The following CDH6 variants were observed in gnomAD, a reference collection of about 807,000 sequenced individuals.
CDH6 encodes the protein cadherin-6.
In CDH6, 31 loss-of-function variants were observed where a neutral mutation model predicts 78.0. The ratio of observed to expected loss-of-function variants is 0.40; its 90% CI spans 0.30 to 0.54. The LOEUF (loss-of-function observed/expected upper bound fraction) is 0.54, where lower values mean the gene tolerates loss of function less well. Ranked by LOEUF, CDH6 falls within the 20% of genes least tolerant of loss-of-function variation. The pLI is 0.56. For missense variants in CDH6, 724 were observed against 975.9 expected (o/e 0.74, Z 3.44); for synonymous variants, 376 against 368.8 (o/e 1.02, Z -0.23).
Position 31,329,132 on chromosome 5 carries a change from CTGGT to C in CDH6, c.*5826_*5829del, listed in dbSNP as rs928574769. On this transcript the variant is annotated 3_prime_UTR_variant, in exon 12 of 12. Transcript: ENST00000265071. ...TATTTATATGATATTACTTAATAAA[CTGGT>C]TTTTTTCTAACTTGCTTTTTTTTCA... 6.4e-5 allele frequency: 12 copies of C among 188,890 alleles called. No homozygotes were observed. Among genetic ancestry groups the C allele is most frequent in the Non-Finnish European group, 1.0e-4 (9 of 90,012 alleles). The allele number at this position is 188,890 out of a possible 1,614,324, so 11.7% of individuals were successfully genotyped here. A position where few individuals can be genotyped will look rare whatever the true frequency, so the allele number is the denominator to read the frequency against.
At chr5:31,245,493 A>T (rs1482513152) in intron 1 of CDH6, among the ~76,000 whole-genome samples, 1 of 151,966 alleles carries the variant, frequency 6.6e-6, no homozygotes, top group East Asian at 1.9e-4. Context: ...AAATGTTAAA[A>T]GCCCTTTCCT....
intron 1 of CDH6, among the ~76,000 whole-genome samples, chr5:31,200,567 TACACAC>T (rs10533381): frequency 0.014 from 2,061 of 144,462 alleles, 56 homozygotes; most frequent in African/African-American, 0.049. Context: ...CACACATACA[TACACAC>T]ACACACACAC....
intron 1 of CDH6, among the ~76,000 whole-genome samples, chr5:31,243,829 C>G (rs1741671067): frequency 6.6e-6 from 1 of 152,192 alleles, no homozygotes; most frequent in Admixed American, 6.5e-5. Context: ...TGCTCAACAT[C>G]ATCAAAGACA....
intron 1 of CDH6, among the ~76,000 whole-genome samples, chr5:31,213,565 C>T (rs34863549): frequency 0.23 from 35,006 of 152,074 alleles, 4,845 homozygotes; most frequent in Non-Finnish European, 0.3. Context: ...CAGGTTTATG[C>T]AGAATGTGAC....
intron 7 of CDH6, 145 bp from the exon 8 acceptor site, chr5:31,313,173 A>T (rs1050793720): frequency 5.8e-5 from 33 of 568,576 alleles, no homozygotes; most frequent in Admixed American, 4.1e-4. Context: ...GGTTGTAGAT[A>T]TTCAAATATG....
At chr5:31,235,721 C>T (rs1325354239) in intron 1 of CDH6, among the ~76,000 whole-genome samples, 3 of 152,258 alleles carry the variant, frequency 2.0e-5, no homozygotes, top group Admixed American at 1.3e-4. Flanking sequence ...CATTTCCAAA[C>T]ATATGTTCTG....
intron 1 of CDH6, among the ~76,000 whole-genome samples, chr5:31,263,665 T>G (rs1742272137): frequency 2.0e-5 from 3 of 152,080 alleles, no homozygotes. Context: ...GTTAATCCAT[T>G]CATGAGGGCA....
Position 31,323,548 on chromosome 5 carries a change from C to T in CDH6, c.*240C>T, listed in dbSNP as rs1163379012. Reference sequence around the variant, plus strand: ...CCAAGTCAGCCCAACAGGCAGGTGCCGGAGGGGAGGACAGGGAACAGTATT... The same window carrying T: ...CCAAGTCAGCCCAACAGGCAGGTGCTGGAGGGGAGGACAGGGAACAGTATT... On this transcript the variant is annotated 3_prime_UTR_variant, in exon 12 of 12. Coordinates refer to ENST00000265071, the MANE Select transcript of CDH6 (RefSeq NM_004932.4). The T allele has an allele frequency of 8.2e-6, 4 of 486,848 alleles. No homozygotes were observed. Among genetic ancestry groups the T allele is most frequent in the African/African-American group, 3.8e-5 (2 of 52,292 alleles). 30.2% of individuals were successfully genotyped at this position (486,848 alleles called of 1,614,324 possible). A position where few individuals can be genotyped will look rare whatever the true frequency, so the allele number is the denominator to read the frequency against.
rs187317393 is a variant in CDH6, at chr5:31,238,537, G to A, written c.-128-28809G>A. On this transcript the variant is annotated intron_variant, in intron 1 of 11. Transcript: ENST00000265071. ...TTCTTCTTCTTTTGTTTTCACTATCGTAATCCTAACAATTACTGCAATTAT... is the reference window on the plus strand; with the variant it reads ...TTCTTCTTCTTTTGTTTTCACTATCATAATCCTAACAATTACTGCAATTAT... Among the ~76,000 whole-genome samples the A allele has an allele frequency of 3.4e-3, 523 of 152,098 alleles. 3 individuals are homozygous for A. The highest frequency in any genetic ancestry group is 3.4e-3 in the Admixed American group (52 of 15,274).
At chr5:31,222,321 T>C (rs914433582) in intron 1 of CDH6, among the ~76,000 whole-genome samples, 1 of 152,206 alleles carries the variant, frequency 6.6e-6, no homozygotes, top group East Asian at 1.9e-4. Flanking sequence ...GTAAAAGTGA[T>C]TGATACAGGT....
intron 1 of CDH6, among the ~76,000 whole-genome samples, chr5:31,224,078 C>T (rs1377625432): frequency 6.6e-6 from 1 of 152,154 alleles, no homozygotes. Flanking sequence ...CTAATAAAGA[C>T]ATACCTGAAA....
At chr5:31,198,160 A>G (rs1740221852) in intron 1 of CDH6, among the ~76,000 whole-genome samples, 1 of 152,130 alleles carries the variant, frequency 6.6e-6, no homozygotes, top group South Asian at 2.1e-4. Context: ...GAAACTTTCA[A>G]CTCTTCCAAC....
chr5:31,296,134 A>G (rs539332441), intron 3 of CDH6, among the ~76,000 whole-genome samples: 1 of 152,256 alleles, frequency 6.6e-6, no homozygotes, highest in East Asian at 1.9e-4. Flanking sequence ...TATAATACAA[A>G]AGCAATGTAG....
intron 8 of CDH6, among the ~76,000 whole-genome samples, chr5:31,315,898 G>A (rs1179127515): frequency 6.6e-6 from 1 of 152,150 alleles, no homozygotes; most frequent in Non-Finnish European, 1.5e-5. Context: ...CCATCTGCCT[G>A]CTTCCTTGAA....
chr5:31,233,180 A>T (rs1317365346), intron 1 of CDH6, among the ~76,000 whole-genome samples: 1 of 151,696 alleles, frequency 6.6e-6, no homozygotes, highest in Non-Finnish European at 1.5e-5. Flanking sequence ...ACAAATGCAC[A>T]CATATACACA....
At chr5:31,204,347 G>A (rs183571550) in intron 1 of CDH6, among the ~76,000 whole-genome samples, 154 of 152,286 alleles carry the variant, frequency 1.0e-3, no homozygotes, top group Non-Finnish European at 1.7e-3. Flanking sequence ...AGAGCAAGGT[G>A]CTTAGTGGTT....
intron 1 of CDH6, among the ~76,000 whole-genome samples, chr5:31,221,755 G>A (rs1303729763): frequency 6.6e-6 from 1 of 152,214 alleles, no homozygotes; most frequent in African/African-American, 2.4e-5. Context: ...GTACTGGGGA[G>A]AGAGTTGTTT....
chr5:31,277,102 C>G (rs1742720447), intron 2 of CDH6, among the ~76,000 whole-genome samples: 1 of 152,228 alleles, frequency 6.6e-6, no homozygotes, highest in Non-Finnish European at 1.5e-5. Flanking sequence ...GATGCATTAA[C>G]AGCAATTCGG....
chr5:31,219,736 G>C (rs757695836), intron 1 of CDH6, among the ~76,000 whole-genome samples: 1 of 152,048 alleles, frequency 6.6e-6, no homozygotes, highest in Non-Finnish European at 1.5e-5. Flanking sequence ...GTTCTTTGTT[G>C]GGTTCCCAGC....
Sources: gnomAD v4.1 joint callset for allele counts (sites outside exome capture counted in the v4.1 genomes callset) on GRCh38, gnomAD v4.1.1 for gene constraint, MANE v1.5 for transcripts, NCBI Gene and HGNC (gene_info 2026-07-23, HGNC 2026-07-21) for gene names.